The following EYS variants were observed in gnomAD, a reference collection of about 807,000 sequenced individuals.
The protein encoded by EYS is EGF-like photoreceptor maintenance factor.
A neutral mutation model predicts 282.1 loss-of-function variants in EYS; 250 were observed. The ratio of observed to expected loss-of-function variants is 0.89; its 90% CI spans 0.80 to 0.98. The LOEUF (loss-of-function observed/expected upper bound fraction) is 0.98, where lower values mean the gene tolerates loss of function less well. Ranked by LOEUF, EYS falls within the 50% of genes least tolerant of loss-of-function variation. EYS has a pLI of 0.00. For synonymous variants in EYS, 1,355 were observed against 1,282.9 expected (o/e 1.06, Z -1.20); for missense variants, 4,016 against 3,709.0 (o/e 1.08, Z -2.15).
At chr6:64,953,391 T>A (rs1769579641) in intron 14 of EYS, among the ~76,000 whole-genome samples, 1 of 151,778 alleles carries the variant, frequency 6.6e-6, no homozygotes, top group Admixed American at 6.6e-5. Context: ...TGAAGTAAAA[T>A]TTGTAATGAA....
intron 12 of EYS, among the ~76,000 whole-genome samples, chr6:65,131,797 G>GA: frequency 6.6e-6 from 1 of 151,752 alleles, no homozygotes; most frequent in South Asian, 2.1e-4. Context: ...TTGGTTTTTT[G>GA]AAAAAATTAA....
intron 22 of EYS, among the ~76,000 whole-genome samples, chr6:64,643,067 A>G (rs1185937709): frequency 2.0e-5 from 3 of 151,380 alleles, no homozygotes; most frequent in Admixed American, 1.3e-4. Flanking sequence ...GTGAGCCGAG[A>G]TCATGCCATT....
intron 26 of EYS, among the ~76,000 whole-genome samples, chr6:64,512,122 C>A (rs1777429252): frequency 6.6e-6 from 1 of 151,904 alleles, no homozygotes; most frequent in Admixed American, 6.6e-5. Flanking sequence ...TACATACATG[C>A]ATATATACAC....
intron 19 of EYS, among the ~76,000 whole-genome samples, chr6:64,875,891 GT>G (rs902292002): frequency 1.3e-5 from 2 of 151,920 alleles, no homozygotes; most frequent in Admixed American, 6.6e-5. Context: ...TAATTGATGT[GT>G]TTTTAATAGA....
intron 1 of EYS, among the ~76,000 whole-genome samples, chr6:65,666,309 T>C (rs1472782454): frequency 2.0e-5 from 3 of 151,980 alleles, no homozygotes. Flanking sequence ...TTTATAGTAA[T>C]GTAGAAGCAA....
intron 12 of EYS, among the ~76,000 whole-genome samples, chr6:65,238,050 A>G (rs1164132207): frequency 6.6e-6 from 1 of 151,964 alleles, no homozygotes; most frequent in African/African-American, 2.4e-5. Flanking sequence ...GGCTTTAGGT[A>G]TATGTATATA....
intron 35 of EYS, among the ~76,000 whole-genome samples, chr6:63,973,410 T>G (rs2149785130): frequency 6.6e-6 from 1 of 152,214 alleles, no homozygotes; most frequent in South Asian, 2.1e-4. Flanking sequence ...AGAACTAAAC[T>G]TTATTATTTG....
intron 12 of EYS, among the ~76,000 whole-genome samples, chr6:65,156,570 T>C (rs538935908): frequency 6.6e-6 from 1 of 151,208 alleles, no homozygotes; most frequent in East Asian, 2.0e-4. Context: ...AAATTTTGGC[T>C]GTTCCTGAGA....
intron 33 of EYS, among the ~76,000 whole-genome samples, chr6:64,030,846 G>A (rs1423760153): frequency 6.6e-6 from 1 of 152,190 alleles, no homozygotes; most frequent in East Asian, 1.9e-4. Flanking sequence ...CAACGCGCTG[G>A]CACTTTCCCT....
At chr6:65,240,434 C>T (rs1767030127) in intron 12 of EYS, among the ~76,000 whole-genome samples, 1 of 152,136 alleles carries the variant, frequency 6.6e-6, no homozygotes, top group Admixed American at 6.6e-5. Context: ...CCACCTCCTT[C>T]CCTCCCAACC....
chr6:65,153,519 T>G (rs2150216806), intron 12 of EYS, among the ~76,000 whole-genome samples: 1 of 149,996 alleles, frequency 6.7e-6, no homozygotes, highest in African/African-American at 2.4e-5. Context: ...AGCTGGGTAC[T>G]TATTTTTCAC....
intron 28 of EYS, among the ~76,000 whole-genome samples, chr6:64,407,927 T>G (rs929358038): frequency 2.0e-5 from 3 of 152,088 alleles, no homozygotes; most frequent in Non-Finnish European, 4.4e-5. Context: ...GAGATGGGCT[T>G]TCACTATGTT....
chr6:64,691,804 A>G (rs1245311163), intron 22 of EYS, among the ~76,000 whole-genome samples: 6 of 152,298 alleles, frequency 3.9e-5, no homozygotes, highest in African/African-American at 1.4e-4. Context: ...CTCCAGCTCC[A>G]TCCATCTTGC....
At chr6:64,940,188 A>G (rs759703687) in intron 15 of EYS, among the ~76,000 whole-genome samples, 2 of 152,000 alleles carry the variant, frequency 1.3e-5, no homozygotes, top group Non-Finnish European at 2.9e-5. Context: ...AGTCCTTTCT[A>G]ACATCCTTTT....
chr6:65,300,549 TTGGTCTC>T (rs1210231622), intron 11 of EYS, among the ~76,000 whole-genome samples: 3 of 152,172 alleles, frequency 2.0e-5, no homozygotes, highest in Admixed American at 1.3e-4. Context: ...CCAACTGACT[TTGGTCTC>T]TGGCTGTGAA....
chr6:64,363,377 A>T (rs774125518), intron 29 of EYS, among the ~76,000 whole-genome samples: 1 of 151,928 alleles, frequency 6.6e-6, no homozygotes, highest in Non-Finnish European at 1.5e-5. Flanking sequence ...TTGCACACTG[A>T]TGTTAAGCTG....
intron 26 of EYS, among the ~76,000 whole-genome samples, chr6:64,541,593 C>T (rs143555827): frequency 3.3e-5 from 5 of 152,104 alleles, no homozygotes; most frequent in African/African-American, 7.2e-5. Context: ...TCTTTCTTCA[C>T]GTATTACTAA....
intron 31 of EYS, among the ~76,000 whole-genome samples, chr6:64,221,964 A>G (rs1257162624): frequency 6.6e-6 from 1 of 151,862 alleles, no homozygotes; most frequent in Non-Finnish European, 1.5e-5. Flanking sequence ...CTTCAGAAAC[A>G]TTGAGATTAC....
At chr6:65,331,035 T>C (rs71572524) in intron 11 of EYS, 43,684 of 984,262 alleles carry the variant, frequency 0.044, 1,078 homozygotes, top group Non-Finnish European at 0.048. Context: ...TTTTTTTTCC[T>C]TTAAAGGCAC....
Sources: gnomAD v4.1 joint callset for allele counts (sites outside exome capture counted in the v4.1 genomes callset) on GRCh38, gnomAD v4.1.1 for gene constraint, MANE v1.5 for transcripts, NCBI Gene and HGNC (gene_info 2026-07-23, HGNC 2026-07-21) for gene names.